WIPF3: variants seen among roughly 807,000 people sequenced by gnomAD.
WIPF3 encodes the protein WAS/WASL-interacting protein family member 3.
Under a neutral mutation model 38.9 loss-of-function variants are expected in WIPF3, and 33 were observed. The observed-to-expected ratio is 0.85, with a 90% CI of 0.64 to 1.14. WIPF3 has a LOEUF of 1.14. WIPF3 is among the 50% of genes most tolerant of loss of function. WIPF3 has a pLI of 0.00. For missense variants in WIPF3, 711 were observed against 652.5 expected (o/e 1.09, Z -0.98); for synonymous variants, 324 against 269.3 (o/e 1.20, Z -1.99).
chr7:29,895,578 T>C (rs903557606), intron 7 of WIPF3, among the ~76,000 whole-genome samples: 4 of 152,222 alleles, frequency 2.6e-5, no homozygotes, highest in African/African-American at 9.6e-5. Context: ...TGAAACTGGG[T>C]AATTTATAGG....
At position 29,883,917 on chromosome 7, in the gene WIPF3, C is replaced by T; in HGVS notation, c.423C>T (p.Ser141=). ...PSPRLPNKTI[S]GPLIPPASPR... Reference sequence around the variant, plus strand: ...CCAGGCTTCCCAACAAAACCATCAGCGGCCCGCTTATCCCGCCTGCCTCTC... The same window carrying T: ...CCAGGCTTCCCAACAAAACCATCAGTGGCCCGCTTATCCCGCCTGCCTCTC... Residue 141 remains serine (S), a synonymous_variant, in exon 5 of 9, where the codon AGC becomes AGT. Coordinates refer to ENST00000242140, the MANE Select transcript of WIPF3 (RefSeq NM_001080529.3). 6.4e-7 allele frequency: 1 copy of T among 1,572,906 alleles called. No individual in the cohort carries two copies. The highest frequency in any genetic ancestry group is 1.4e-5 in the African/African-American group (1 of 74,050).
Position 29,914,642 on chromosome 7 carries a change from T to C in WIPF3, c.*126T>C. The C allele has an allele frequency of 3.4e-6, 2 of 592,316 alleles. No individual in the cohort carries two copies. The highest frequency in any genetic ancestry group is 5.5e-5 in the South Asian group (1 of 18,070). 36.7% of individuals were successfully genotyped at this position (592,316 alleles called of 1,614,324 possible). A position where few individuals can be genotyped will look rare whatever the true frequency, so the allele number is the denominator to read the frequency against. On this transcript the variant is annotated 3_prime_UTR_variant, in exon 9 of 9. Transcript: ENST00000242140. ...CTTGGAATTGAGAATTTATTTATTG[T>C]AAATATGTGATTTGCACGGGCTTTA...
intron 7 of WIPF3, among the ~76,000 whole-genome samples, chr7:29,903,994 TG>T (rs1786340569): frequency 6.6e-6 from 1 of 152,168 alleles, no homozygotes; most frequent in Admixed American, 6.5e-5. Context: ...CTGGGCACAT[TG>T]TGGATAATGG....
At chr7:29,833,427 T>G (rs761895838) in intron 1 of WIPF3, among the ~76,000 whole-genome samples, 5 of 152,246 alleles carry the variant, frequency 3.3e-5, no homozygotes, top group Non-Finnish European at 7.3e-5. Flanking sequence ...CTGAACATCC[T>G]TTTCTTTATC....
intron 2 of WIPF3, among the ~76,000 whole-genome samples, chr7:29,866,258 CTTAG>C (rs1423841849): frequency 6.6e-6 from 1 of 152,190 alleles, no homozygotes; most frequent in Non-Finnish European, 1.5e-5. Context: ...TTTTCCCTTG[CTTAG>C]TTATTTTCAT....
intron 7 of WIPF3, among the ~76,000 whole-genome samples, 200 bp from the exon 8 acceptor site, chr7:29,904,081 GTTCTC>G (rs1286063697): frequency 6.6e-6 from 1 of 152,098 alleles, no homozygotes; most frequent in East Asian, 1.9e-4. Context: ...TTAATAATTT[GTTCTC>G]TTCTCAGAGT....
intron 5 of WIPF3, among the ~76,000 whole-genome samples, chr7:29,886,443 G>A (rs145484383): frequency 7.9e-6 from 1 of 127,016 alleles, no homozygotes; most frequent in Non-Finnish European, 1.6e-5. Flanking sequence ...TGCAACCTTC[G>A]CCTCCCAGGT....
intron 2 of WIPF3, among the ~76,000 whole-genome samples, chr7:29,870,236 G>A (rs1395914402): frequency 1.3e-5 from 2 of 152,146 alleles, no homozygotes; most frequent in African/African-American, 2.4e-5. Context: ...CTTATGCATC[G>A]TGAGGGGATT....
At chr7:29,858,280 C>T (rs1371152265) in intron 2 of WIPF3, among the ~76,000 whole-genome samples, 1 of 152,166 alleles carries the variant, frequency 6.6e-6, no homozygotes, top group Non-Finnish European at 1.5e-5. Context: ...AATGGCTTCT[C>T]CCCTCACCCC....
chr7:29,830,219 C>A (rs1784695881), intron 1 of WIPF3, among the ~76,000 whole-genome samples: 2 of 150,220 alleles, frequency 1.3e-5, no homozygotes, highest in South Asian at 4.3e-4. Flanking sequence ...GGCACCTAAG[C>A]ATTCCCAGGT....
intron 2 of WIPF3, among the ~76,000 whole-genome samples, chr7:29,851,108 C>A (rs2128068673): frequency 6.6e-6 from 1 of 152,294 alleles, no homozygotes; most frequent in African/African-American, 2.4e-5. Context: ...TCTGGAAATA[C>A]AGCAAACCCT....
At chr7:29,895,491 A>C (rs1786122188) in intron 7 of WIPF3, among the ~76,000 whole-genome samples, 1 of 152,242 alleles carries the variant, frequency 6.6e-6, no homozygotes, top group Non-Finnish European at 1.5e-5. Context: ...AAGAAATAGG[A>C]TGGAAGCACT....
At chr7:29,871,242 A>G (rs1354941821) in intron 2 of WIPF3, among the ~76,000 whole-genome samples, 3 of 152,202 alleles carry the variant, frequency 2.0e-5, no homozygotes, top group Non-Finnish European at 2.9e-5. Flanking sequence ...CAACAGTAGA[A>G]GGGAGACATT....
intron 1 of WIPF3, among the ~76,000 whole-genome samples, chr7:29,816,208 A>G (rs1250641729): frequency 1.3e-5 from 2 of 152,270 alleles, no homozygotes; most frequent in Non-Finnish European, 2.9e-5. Flanking sequence ...CAAAAAGTAT[A>G]AAAAGGATGT....
chr7:29,817,482 G>A (rs1461140262), intron 1 of WIPF3, among the ~76,000 whole-genome samples: 1 of 151,814 alleles, frequency 6.6e-6, no homozygotes, highest in Non-Finnish European at 1.5e-5. Flanking sequence ...TCCTTTTTTA[G>A]AAATTAAAAA....
chr7:29,856,867 T>C (rs1474171124), intron 2 of WIPF3, among the ~76,000 whole-genome samples: 4 of 152,176 alleles, frequency 2.6e-5, no homozygotes, highest in African/African-American at 9.7e-5. Context: ...TCTTGTCATA[T>C]TTTATTAGCA....
At chr7:29,873,585 G>T (rs1263797479) in intron 2 of WIPF3, among the ~76,000 whole-genome samples, 1 of 152,086 alleles carries the variant, frequency 6.6e-6, no homozygotes, top group Admixed American at 6.6e-5. Flanking sequence ...GGTTTATATG[G>T]GGTTTTTAAA....
chr7:29,884,072 C>T lies in WIPF3; in HGVS notation c.578C>T (p.Ser193Phe), dbSNP rs1024064918. 1.4e-6 allele frequency: 2 copies of T among 1,455,912 alleles called. No homozygotes were observed. Among genetic ancestry groups the T allele is most frequent in the Non-Finnish European group, 1.8e-6 (2 of 1,094,142 alleles). The allele number at this position is 1,455,912 out of a possible 1,614,324, so 90.2% of individuals were successfully genotyped here. A position where few individuals can be genotyped will look rare whatever the true frequency, so the allele number is the denominator to read the frequency against. Residue 193 changes from serine to phenylalanine, a missense_variant, in exon 5 of 9, where the codon TCC (serine) becomes TTC (phenylalanine). Ser to Phe is a radical substitution (Grantham distance 155). Transcript: ENST00000242140. ...PPPLPPPLPS[S>F]SPIKTPLVSP... ...CCCTTACCCCCGCCCCTTCCCTCTT[C>T]CTCCCCCATCAAAACTCCGCTTGTG...
intron 2 of WIPF3, among the ~76,000 whole-genome samples, chr7:29,873,581 T>C (rs1000503230): frequency 8.5e-5 from 13 of 152,202 alleles, no homozygotes; most frequent in African/African-American, 2.9e-4. Flanking sequence ...TAATGGTTTA[T>C]ATGGGGTTTT....
Sources: allele counts gnomAD v4.1 joint callset (sites outside exome capture counted in the v4.1 genomes callset), GRCh38; gene constraint gnomAD v4.1.1; transcripts MANE v1.5; gene names NCBI Gene and HGNC (gene_info 2026-07-23, HGNC 2026-07-21).